The following HMGN3 variants were observed in gnomAD, a reference collection of about 807,000 sequenced individuals.
HMGN3 encodes the protein high mobility group nucleosome-binding domain-containing protein 3.
HMGN3 carries 6 observed loss-of-function variants against 18.8 expected under a neutral mutation model. The observed-to-expected ratio is 0.32, with a 90% confidence interval of 0.18 to 0.63. HMGN3 has a LOEUF of 0.63. Among genes scored for constraint, HMGN3 ranks in the 30% least tolerant of loss-of-function variants. The pLI is 0.79. For synonymous variants in HMGN3, 40 were observed against 36.5 expected (o/e 1.10, Z -0.35); for missense variants, 107 against 114.2 (o/e 0.94, Z 0.29).
chr6:79,226,143 A>G (rs2127837104), intron 1 of HMGN3, among the ~76,000 whole-genome samples: 1 of 152,348 alleles, frequency 6.6e-6, no homozygotes, highest in East Asian at 1.9e-4. Context: ...TGCTGGTTCT[A>G]TCACTTCCTA....
At chr6:79,230,253 A>G (rs1777775299) in intron 1 of HMGN3, among the ~76,000 whole-genome samples, 1 of 152,202 alleles carries the variant, frequency 6.6e-6, no homozygotes, top group South Asian at 2.1e-4. Context: ...ATACAGCAAA[A>G]GTAGATTAGT....
chr6:79,215,980 C>A (rs1561993510), intron 1 of HMGN3, among the ~76,000 whole-genome samples: 1 of 152,144 alleles, frequency 6.6e-6, no homozygotes, highest in Admixed American at 6.5e-5. Flanking sequence ...TGACATTTGA[C>A]ACGATGTTTG....
In HMGN3 at chr6:79,234,496, C is replaced by G. The variant is rs763004855; in HGVS notation, c.15+50G>C. On this transcript the variant is annotated intron_variant, in intron 1 of 5. Transcript: ENST00000344726. ...CGAGCCATTGCAATGCCAGCATTTA[C>G]TGTAAGCAGAATTTGAAGGCTTTTG... 3.1e-6 allele frequency: 5 copies of G among 1,590,816 alleles called. No homozygotes were observed. The East Asian group carries it at 1.1e-4, about 36-fold the overall frequency.
intron 1 of HMGN3, among the ~76,000 whole-genome samples, chr6:79,216,659 G>A (rs1776998942): frequency 6.6e-6 from 1 of 152,010 alleles, no homozygotes; most frequent in Non-Finnish European, 1.5e-5. Context: ...TCTCTTTTTT[G>A]TACCCCACTC....
At chr6:79,225,461 T>G (rs1582441033) in intron 1 of HMGN3, among the ~76,000 whole-genome samples, 5 of 152,222 alleles carry the variant, frequency 3.3e-5, no homozygotes, top group Admixed American at 3.3e-4. Context: ...GCTTTTATTC[T>G]TCACGAGTTC....
chr6:79,222,820 TCACTGCAGGCTA>T (rs202180410), intron 1 of HMGN3, among the ~76,000 whole-genome samples: 2,182 of 152,292 alleles, frequency 0.014, 27 homozygotes, highest in South Asian at 0.031. Flanking sequence ...TTGATTAAGG[TCACTGCAGGCTA>T]CTATGTCTTT....
chr6:79,224,274 G>A (rs1168525759), intron 1 of HMGN3, among the ~76,000 whole-genome samples: 1 of 152,158 alleles, frequency 6.6e-6, no homozygotes, highest in Non-Finnish European at 1.5e-5. Context: ...ACCATTCAAA[G>A]TGGTTTGTGT....
intron 4 of HMGN3, 85 bp downstream of exon 4, chr6:79,203,495 G>T (rs1776253920): frequency 8.8e-7 from 1 of 1,137,628 alleles, no homozygotes; most frequent in Non-Finnish European, 1.3e-6. Context: ...CATTAAATAC[G>T]GCCTTTCTTT....
chr6:79,202,410 A>T, intron 4 of HMGN3, 21 bp from the exon 5 acceptor site: 1 of 1,571,366 alleles, frequency 6.4e-7, no homozygotes, highest in Non-Finnish European at 8.8e-7. Context: ...ATCAAAGCAC[A>T]GTGAAAGAGA....
At chr6:79,223,370 G>C (rs957011285) in intron 1 of HMGN3, among the ~76,000 whole-genome samples, 1 of 152,134 alleles carries the variant, frequency 6.6e-6, no homozygotes, top group African/African-American at 2.4e-5. Context: ...AATTAGCTGG[G>C]CCGGGTGGCA....
intron 1 of HMGN3, among the ~76,000 whole-genome samples, chr6:79,221,887 C>CATGTAGTACCAATTCATTGGTAT (rs1777305469): frequency 6.6e-6 from 1 of 151,792 alleles, no homozygotes; most frequent in African/African-American, 2.4e-5. Context: ...TTCATTGGTA[C>CATGTAGTACCAATTCATTGGTAT]ATGTAGTACC....
intron 1 of HMGN3, chr6:79,233,613 C>T (rs1431096317): frequency 6.6e-6 from 1 of 152,240 alleles, no homozygotes; most frequent in East Asian, 1.9e-4. Flanking sequence ...GGAAACCTTT[C>T]CCTTCCCTCC....
intron 2 of HMGN3, among the ~76,000 whole-genome samples, chr6:79,210,364 A>C (rs1776624607): frequency 6.6e-6 from 1 of 152,138 alleles, no homozygotes. Flanking sequence ...CAGGCAGAAC[A>C]ATACCTTCCA....
At chr6:79,220,488 C>A (rs1317450684) in intron 1 of HMGN3, among the ~76,000 whole-genome samples, 1 of 152,184 alleles carries the variant, frequency 6.6e-6, no homozygotes, top group Non-Finnish European at 1.5e-5. Context: ...ACTCTGTCAC[C>A]CAGGCTGGAG....
At chr6:79,218,060 T>C (rs1777086345) in intron 1 of HMGN3, among the ~76,000 whole-genome samples, 1 of 152,250 alleles carries the variant, frequency 6.6e-6, no homozygotes, top group Non-Finnish European at 1.5e-5. Context: ...CTCATGCACG[T>C]ATCCACGTCT....
At chr6:79,221,800 T>A (rs745515774) in intron 1 of HMGN3, among the ~76,000 whole-genome samples, 2 of 151,766 alleles carry the variant, frequency 1.3e-5, no homozygotes, top group African/African-American at 2.4e-5. Context: ...CTTCAGCCCA[T>A]GGAAGACAAG....
At position 79,221,635 on chromosome 6, in the gene HMGN3, G is replaced by A. The variant is rs145912072; in HGVS notation, c.16-6613C>T. ...ATTTTCTCCCTCCAAACTCAAGAAG[G>A]TATCAGAAGAGTGTAAGAAAATCCT... On this transcript the variant is annotated intron_variant, in intron 1 of 5. Coordinates refer to ENST00000344726, the Ensembl canonical transcript of HMGN3. 3.0e-3 allele frequency among the ~76,000 whole-genome samples: 450 copies of A among 152,224 alleles called. 3 individuals are homozygous for A. Among genetic ancestry groups the A allele is most frequent in the African/African-American group, 0.01 (421 of 41,528 alleles).
intron 1 of HMGN3, among the ~76,000 whole-genome samples, chr6:79,218,501 G>A (rs1777106955): frequency 6.6e-6 from 1 of 152,146 alleles, no homozygotes; most frequent in East Asian, 1.9e-4. Flanking sequence ...TGAACTACGG[G>A]TGTGCACATC....
At chr6:79,229,805 G>C (rs1182359900) in intron 1 of HMGN3, among the ~76,000 whole-genome samples, 2 of 152,106 alleles carry the variant, frequency 1.3e-5, no homozygotes, top group African/African-American at 4.8e-5. Context: ...GTGAACCCGG[G>C]AGGCGGAGCT....
Sources: allele counts gnomAD v4.1 joint callset (sites outside exome capture counted in the v4.1 genomes callset), GRCh38; gene constraint gnomAD v4.1.1; transcripts MANE v1.5; gene names NCBI Gene and HGNC (gene_info 2026-07-23, HGNC 2026-07-21).